Variants in SUSD1 observed in about 807,000 individuals in gnomAD.
SUSD1 encodes sushi domain-containing protein 1.
SUSD1 carries 65 observed loss-of-function variants against 86.9 expected under a neutral mutation model. The ratio of observed to expected loss-of-function variants is 0.75; its 90% confidence interval spans 0.61 to 0.92. SUSD1 has a LOEUF of 0.92. Among genes scored for constraint, SUSD1 ranks in the 40% least tolerant of loss-of-function variants. SUSD1 has a pLI of 0.00. For missense variants in SUSD1, 850 were observed against 929.7 expected (o/e 0.91, Z 1.11); for synonymous variants, 346 against 350.0 (o/e 0.99, Z 0.13).
At chr9:112,157,376 T>G in intron 2 of SUSD1, 124 bp downstream of exon 2, 1 of 661,098 alleles carries the variant, frequency 1.5e-6, no homozygotes, top group Non-Finnish European at 2.6e-6. Context: ...TTGACAAAAC[T>G]TCTCATAATA....
At chr9:112,130,096 C>T (rs1047692080) in intron 5 of SUSD1, among the ~76,000 whole-genome samples, 1 of 152,146 alleles carries the variant, frequency 6.6e-6, no homozygotes, top group African/African-American at 2.4e-5. Flanking sequence ...AGCATTCAGC[C>T]AGGCATGGTG....
chr9:112,059,331 C>A (rs1315771720), intron 13 of SUSD1, among the ~76,000 whole-genome samples: 1 of 152,188 alleles, frequency 6.6e-6, no homozygotes, highest in Non-Finnish European at 1.5e-5. Context: ...GTGTGTGTGT[C>A]ATAAAATTGA....
chr9:112,127,927 C>T lies in SUSD1; in HGVS notation c.707-3491G>A, dbSNP rs143103805. On this transcript the variant is annotated intron_variant, in intron 5 of 16. Coordinates refer to ENST00000374270, the MANE Select transcript of SUSD1 (RefSeq NM_022486.5). ...AAGAAATCCTTCCACCTCTGCCTCC[C>T]GAGGAGCTGGGACCACAGGCATGTA... Among the ~76,000 whole-genome samples the T allele has an allele frequency of 4.1e-3, 623 of 151,912 alleles. 4 individuals carry two copies. The highest frequency in any genetic ancestry group is 6.4e-3 in the Non-Finnish European group (433 of 67,966).
At chr9:112,163,328 T>A (rs766694383) in intron 1 of SUSD1, among the ~76,000 whole-genome samples, 1 of 152,080 alleles carries the variant, frequency 6.6e-6, no homozygotes, top group Non-Finnish European at 1.5e-5. Context: ...GCTAATTTTT[T>A]GTTTTATTTA....
chr9:112,053,638 T>A (rs1408338), intron 14 of SUSD1, among the ~76,000 whole-genome samples: 21,110 of 151,438 alleles, frequency 0.14, 1,548 homozygotes, highest in South Asian at 0.18. Context: ...TGTGCAAGAA[T>A]AACCAGTAAA....
chr9:112,076,644 ATC>A (rs1490101793), intron 12 of SUSD1, among the ~76,000 whole-genome samples: 1 of 152,212 alleles, frequency 6.6e-6, no homozygotes, highest in Non-Finnish European at 1.5e-5. Flanking sequence ...CTAGAAATTG[ATC>A]TTTGGAAATC....
intron 3 of SUSD1, among the ~76,000 whole-genome samples, chr9:112,148,164 C>G (rs1589726069): frequency 6.6e-6 from 1 of 152,198 alleles, no homozygotes; most frequent in Non-Finnish European, 1.5e-5. Context: ...CCAGCAGAGT[C>G]ATTAAGTCTA....
At chr9:112,109,909 T>C (rs1163750052) in intron 8 of SUSD1, among the ~76,000 whole-genome samples, 7 of 152,250 alleles carry the variant, frequency 4.6e-5, no homozygotes, top group African/African-American at 2.4e-5. Context: ...CTAATTTGTA[T>C]AATCTCATAG....
chr9:112,132,864 T>C (rs181457660), intron 5 of SUSD1, among the ~76,000 whole-genome samples: 4 of 152,370 alleles, frequency 2.6e-5, no homozygotes, highest in African/African-American at 9.6e-5. Flanking sequence ...AATTTGACTG[T>C]TGAGGTTGGC....
intron 1 of SUSD1, among the ~76,000 whole-genome samples, chr9:112,166,943 G>C (rs1157718292): frequency 1.3e-5 from 2 of 152,168 alleles, no homozygotes; most frequent in Non-Finnish European, 2.9e-5. Flanking sequence ...CCCCGGCTAA[G>C]GCTGCTGAGC....
chr9:112,098,537 C>A lies in SUSD1; in HGVS notation c.1407G>T (p.Val469=), dbSNP rs201816303. Residue 469 remains valine (V), a synonymous_variant, in exon 10 of 17, where the codon GTG becomes GTT. Coordinates refer to ENST00000374270, the MANE Select transcript of SUSD1 (RefSeq NM_022486.5). Reference sequence around the variant, plus strand: ...TAGGAGATCTCAGCAGGGTCACATTCACCGTATAATCAGTCGTAGGGTACA... The same window carrying A: ...TAGGAGATCTCAGCAGGGTCACATTAACCGTATAATCAGTCGTAGGGTACA... ...LDLYPTTDYT[V]NVTLLRSPKR... The A allele has an allele frequency of 2.3e-5, 37 of 1,614,078 alleles. No homozygotes were observed. The highest frequency in any genetic ancestry group is 8.3e-5 in the Admixed American group (5 of 59,996).
At chr9:112,069,625 T>C (rs1482901577) in intron 12 of SUSD1, among the ~76,000 whole-genome samples, 1 of 152,194 alleles carries the variant, frequency 6.6e-6, no homozygotes, top group Non-Finnish European at 1.5e-5. Context: ...TGTCTCCTCT[T>C]CTCAGCCAAG....
intron 13 of SUSD1, 104 bp from the exon 14 acceptor site, chr9:112,058,790 TTTTTTTG>T: frequency 1.4e-6 from 2 of 1,438,482 alleles, no homozygotes; most frequent in South Asian, 1.4e-5. Flanking sequence ...TCTTTCTTTG[TTTTTTTG>T]TTTTTTGTTT....
intron 8 of SUSD1, among the ~76,000 whole-genome samples, chr9:112,110,861 A>G (rs960117545): frequency 6.6e-6 from 1 of 151,510 alleles, no homozygotes; most frequent in African/African-American, 2.4e-5. Flanking sequence ...GCTAACACCT[A>G]CCCTCCTGCA....
chr9:112,089,872 C>T (rs559985441), intron 10 of SUSD1, among the ~76,000 whole-genome samples: 3 of 149,644 alleles, frequency 2.0e-5, no homozygotes, highest in East Asian at 3.9e-4. Flanking sequence ...TGATATAGAG[C>T]GAGAATCAAG....
At chr9:112,103,768 G>A (rs1830722217) in intron 8 of SUSD1, among the ~76,000 whole-genome samples, 2 of 152,154 alleles carry the variant, frequency 1.3e-5, no homozygotes, top group Non-Finnish European at 1.5e-5. Flanking sequence ...TGGAAGAGCC[G>A]GGGCTAAAGA....
chr9:112,066,516 T>C (rs1828984761), intron 12 of SUSD1, among the ~76,000 whole-genome samples: 1 of 152,136 alleles, frequency 6.6e-6, no homozygotes, highest in African/African-American at 2.4e-5. Flanking sequence ...AAGTCAGGTC[T>C]GGAGTGGCAT....
At chr9:112,152,668 C>G (rs987555966) in intron 2 of SUSD1, among the ~76,000 whole-genome samples, 6 of 150,906 alleles carry the variant, frequency 4.0e-5, no homozygotes, top group African/African-American at 1.5e-4. Context: ...CCTCCACGTC[C>G]CAAAGTGCTG....
chr9:112,147,918 C>G (rs1303456875), intron 3 of SUSD1, among the ~76,000 whole-genome samples: 1 of 152,068 alleles, frequency 6.6e-6, no homozygotes, highest in Non-Finnish European at 1.5e-5. Context: ...AACCATGCAG[C>G]CAGTAATTTG....
Sources: gnomAD v4.1 joint callset for allele counts (sites outside exome capture counted in the v4.1 genomes callset) on GRCh38, gnomAD v4.1.1 for gene constraint, MANE v1.5 for transcripts, NCBI Gene and HGNC (gene_info 2026-07-23, HGNC 2026-07-21) for gene names.